SLC1A3: variants seen among roughly 807,000 people sequenced by gnomAD.
SLC1A3 encodes solute carrier family 1 member 3, also known as excitatory amino acid transporter 1.
In SLC1A3, 21 loss-of-function variants were observed where a neutral mutation model predicts 48.1. The observed-to-expected ratio is 0.44, with a 90% CI of 0.31 to 0.63. The LOEUF is 0.63. Ranked by LOEUF, SLC1A3 falls within the 20% of genes least tolerant of loss-of-function variation. SLC1A3 has a pLI of 0.08. For missense variants in SLC1A3, 546 were observed against 689.0 expected, an observed-to-expected ratio of 0.79 and a Z score of 2.32; for synonymous variants, 239 against 251.4, an observed-to-expected ratio of 0.95 and a Z score of 0.47.
At chr5:36,634,257 C>T (rs150405505) in intron 3 of SLC1A3, among the ~76,000 whole-genome samples, 14 of 145,320 alleles carry the variant, frequency 9.6e-5, no homozygotes, top group Admixed American at 1.3e-4. Context: ...GCCTGGGTAA[C>T]GGAGTGAGGC....
At chr5:36,683,662 T>G (rs1429530495) in intron 8 of SLC1A3, among the ~76,000 whole-genome samples, 1 of 151,806 alleles carries the variant, frequency 6.6e-6, no homozygotes, top group African/African-American at 2.4e-5. Flanking sequence ...GAGCCTAGTT[T>G]GCACCACTGC....
Position 36,682,673 on chromosome 5 carries a change from T to C in SLC1A3, c.1290-1191T>C, listed in dbSNP as rs1429005288. On this transcript the variant is annotated intron_variant, in intron 8 of 9. Coordinates refer to ENST00000265113, the MANE Select transcript of SLC1A3 (RefSeq NM_004172.5). The stretch of plus-strand genomic sequence containing the variant: ...ATAAGAGACTAAGTCTCTAGGGTAT[T>C]ATCATTATCCAGGTGGTCCGGGATG... 2.6e-5 allele frequency among the ~76,000 whole-genome samples: 4 copies of C among 152,350 alleles called. No homozygotes were observed. The South Asian group carries it at 8.3e-4, about 32-fold the overall frequency.
At chr5:36,668,813 C>CT (rs1741868666) in intron 3 of SLC1A3, 1 of 152,164 alleles carries the variant, frequency 6.6e-6, no homozygotes, top group African/African-American at 2.4e-5. Context: ...GTCGACAGCC[C>CT]TGTAGCCGTG....
At chr5:36,619,303 AC>A (rs1739572082) in intron 2 of SLC1A3, among the ~76,000 whole-genome samples, 1 of 152,200 alleles carries the variant, frequency 6.6e-6, no homozygotes, top group South Asian at 2.1e-4. Context: ...CAGAACTCTT[AC>A]CCAGGTAGAT....
At chr5:36,616,104 A>G (rs1330598193) in intron 2 of SLC1A3, among the ~76,000 whole-genome samples, 2 of 152,156 alleles carry the variant, frequency 1.3e-5, no homozygotes, top group Admixed American at 1.3e-4. Flanking sequence ...GCTGAGGCAG[A>G]GAATTGCTTG....
At chr5:36,682,326 A>G (rs530117223) in intron 8 of SLC1A3, among the ~76,000 whole-genome samples, 1 of 152,364 alleles carries the variant, frequency 6.6e-6, no homozygotes, top group East Asian at 1.9e-4. Flanking sequence ...GTGTTAGTAG[A>G]AAATGATAAT....
chr5:36,613,850 G>C, intron 2 of SLC1A3, among the ~76,000 whole-genome samples: 1 of 152,146 alleles, frequency 6.6e-6, no homozygotes, highest in East Asian at 1.9e-4. Context: ...ATAAGAACTA[G>C]GGTCTGATTT....
intron 2 of SLC1A3, among the ~76,000 whole-genome samples, chr5:36,620,030 A>G (rs1022390578): frequency 6.6e-6 from 1 of 152,178 alleles, no homozygotes; most frequent in Non-Finnish European, 1.5e-5. Flanking sequence ...AAAAAAGAAA[A>G]AAGAGGCCTG....
intron 2 of SLC1A3, among the ~76,000 whole-genome samples, chr5:36,620,461 G>A (rs535497320): frequency 6.6e-6 from 1 of 152,302 alleles, no homozygotes; most frequent in East Asian, 1.9e-4. Context: ...GTACAGAGGG[G>A]ACATTCCTTA....
At chr5:36,683,521 T>G (rs1399469815) in intron 8 of SLC1A3, among the ~76,000 whole-genome samples, 1 of 152,018 alleles carries the variant, frequency 6.6e-6, no homozygotes, top group Non-Finnish European at 1.5e-5. Flanking sequence ...CTAACCTGGC[T>G]AACATGGTGA....
At chr5:36,629,978 G>A in intron 3 of SLC1A3, 1 of 279,812 alleles carries the variant, frequency 3.6e-6, no homozygotes, top group Non-Finnish European at 6.9e-6. Context: ...AGCTATTGAT[G>A]CAAGAATGCT....
At chr5:36,679,945 T>C (rs1742370226) in intron 7 of SLC1A3, 85 bp downstream of exon 7, 1 of 903,830 alleles carries the variant, frequency 1.1e-6, no homozygotes, top group African/African-American at 1.6e-5. Context: ...AGCCATTTTA[T>C]TCTGAGTTTT....
At chr5:36,655,223 C>T (rs547542577) in intron 3 of SLC1A3, among the ~76,000 whole-genome samples, 50 of 152,268 alleles carry the variant, frequency 3.3e-4, no homozygotes, top group African/African-American at 1.2e-3. Flanking sequence ...TAAACACCAA[C>T]TTCAAAAGCC....
intron 5 of SLC1A3, among the ~76,000 whole-genome samples, chr5:36,674,473 TTCTGGGTTTG>T (rs1181579720): frequency 3.4e-5 from 5 of 148,818 alleles, no homozygotes; most frequent in African/African-American, 1.3e-4. Flanking sequence ...TTATTTAGAT[TTCTGGGTTTG>T]ATTTAAATAT....
intron 2 of SLC1A3, among the ~76,000 whole-genome samples, chr5:36,612,479 G>T (rs572384964): frequency 8.6e-5 from 13 of 152,028 alleles, no homozygotes; most frequent in Admixed American, 7.2e-4. Flanking sequence ...CAGCTACTTG[G>T]GGGGGCTGAA....
intron 2 of SLC1A3, among the ~76,000 whole-genome samples, chr5:36,615,090 G>A (rs1739375841): frequency 6.6e-6 from 1 of 152,116 alleles, no homozygotes; most frequent in African/African-American, 2.4e-5. Flanking sequence ...ACTCTCTGTA[G>A]CACGTAAGCT....
At chr5:36,599,508 CTT>C (rs1176214248) in intron 1 of SLC1A3, among the ~76,000 whole-genome samples, 4 of 78,284 alleles carry the variant, frequency 5.1e-5, no homozygotes, top group Admixed American at 4.2e-4. Flanking sequence ...TACGGTTGAA[CTT>C]TTTTTTTTTT....
At chr5:36,629,320 G>A (rs1184175895) in intron 2 of SLC1A3, 130 bp from the exon 3 acceptor site, 4 of 794,064 alleles carry the variant, frequency 5.0e-6, no homozygotes, top group Non-Finnish European at 8.3e-6. Flanking sequence ...TGCTCCCAAA[G>A]CAGCACAGAT....
chr5:36,680,305 G>A, intron 7 of SLC1A3, 90 bp from the exon 8 acceptor site: 1 of 1,052,372 alleles, frequency 9.5e-7, no homozygotes, highest in Non-Finnish European at 1.5e-6. Flanking sequence ...ACATGGGAGA[G>A]GAAGGAACTG....
Sources: allele counts gnomAD v4.1 joint callset (sites outside exome capture counted in the v4.1 genomes callset), GRCh38; gene constraint gnomAD v4.1.1; transcripts MANE v1.5; gene names NCBI Gene and HGNC (gene_info 2026-07-23, HGNC 2026-07-21).